Variants in IL1RN observed in about 807,000 individuals in gnomAD.
IL1RN encodes interleukin-1 receptor antagonist protein.
A neutral mutation model predicts 13.7 loss-of-function variants in IL1RN; 10 were observed. That is an observed-to-expected ratio of 0.73 (90% CI 0.45 to 1.24). The LOEUF (loss-of-function observed/expected upper bound fraction) is 1.24, where lower values mean the gene tolerates loss of function less well. Ranked by LOEUF, IL1RN falls within the 50% of genes most tolerant of loss-of-function variation. The probability of loss-of-function intolerance (pLI) is 0.00; values close to 1 mark genes in which losing one functional copy is unlikely to be tolerated. For missense variants in IL1RN, 213 were observed against 222.1 expected (o/e 0.96, Z 0.26); for synonymous variants, 102 against 82.7 (o/e 1.23, Z -1.27).
chr2:113,100,279 T>A, the IL1RN span, among the ~76,000 whole-genome samples: 270 of 144,944 alleles, frequency 1.9e-3, 3 homozygotes, highest in African/African-American at 6.2e-3. Flanking sequence ...TGAGCCGAGA[T>A]CGCACCACTG....
the IL1RN span, among the ~76,000 whole-genome samples, chr2:113,101,051 G>A: frequency 6.6e-6 from 1 of 152,208 alleles, no homozygotes; most frequent in Non-Finnish European, 1.5e-5. Flanking sequence ...ACAAAGAACA[G>A]TAAAGTTTTA....
chr2:113,111,997 T>G (rs1197897656), intron 1 of IL1RN, among the ~76,000 whole-genome samples: 1 of 152,236 alleles, frequency 6.6e-6, no homozygotes, highest in African/African-American at 2.4e-5. Flanking sequence ...CCCCAGACTT[T>G]GGGTTGTTGT....
upstream of IL1RN, chr2:113,117,751 G>C (rs1403746429): frequency 6.8e-6 from 4 of 587,754 alleles, no homozygotes; most frequent in Non-Finnish European, 1.2e-5. Flanking sequence ...GCTAGCCTGA[G>C]TCACCCTCCT....
At chr2:113,109,578 G>A (rs1686459290), upstream of IL1RN, among the ~76,000 whole-genome samples, 1 of 151,540 alleles carries the variant, frequency 6.6e-6, no homozygotes, top group Admixed American at 6.6e-5. Flanking sequence ...ATTAAACACA[G>A]AAAAGTTGAA....
intron 3 of IL1RN, among the ~76,000 whole-genome samples, chr2:113,132,156 A>C (rs1330414835): frequency 6.6e-6 from 1 of 152,204 alleles, no homozygotes; most frequent in Non-Finnish European, 1.5e-5. Flanking sequence ...TGTCCTAAGA[A>C]ACCTGGGCCA....
the IL1RN span, among the ~76,000 whole-genome samples, chr2:113,100,198 C>T: frequency 3.3e-5 from 5 of 151,092 alleles, no homozygotes; most frequent in African/African-American, 4.9e-5. Context: ...TGGTGGCGGG[C>T]GCCTGTAGTG....
rs1031075598 is a variant in IL1RN, at chr2:113,129,554, G to A, written c.117-22G>A. On this transcript the variant is annotated intron_variant, in intron 1 of 3. Transcript: ENST00000409930. ...GGGCACATGGTGGCTGTGCACTACAGCTGAGTCCTTTTCCTTTTCAGAATC... is the reference window on the plus strand; with the variant it reads ...GGGCACATGGTGGCTGTGCACTACAACTGAGTCCTTTTCCTTTTCAGAATC... The A allele has an allele frequency of 2.0e-6, 3 of 1,514,006 alleles. No individual in the cohort carries two copies. The South Asian group carries it at 3.4e-5, about 17-fold the overall frequency. The allele number at this position is 1,514,006 out of a possible 1,614,324, so 93.8% of individuals were successfully genotyped here. A position where few individuals can be genotyped will look rare whatever the true frequency, so the allele number is the denominator to read the frequency against.
At chr2:113,119,241 C>T (rs2592347) in intron 1 of IL1RN, among the ~76,000 whole-genome samples, 18 of 152,254 alleles carry the variant, frequency 1.2e-4, no homozygotes, top group African/African-American at 2.6e-4. Context: ...ACAAGCTAGG[C>T]GCCTTGCTGA....
At chr2:113,113,556 G>A (rs1686538115), upstream of IL1RN, among the ~76,000 whole-genome samples, 1 of 151,648 alleles carries the variant, frequency 6.6e-6, no homozygotes, top group South Asian at 2.1e-4. Flanking sequence ...AAATTGCTAA[G>A]AGGGTATATC....
At chr2:113,127,483 T>A, upstream of IL1RN, 7 of 1,440,304 alleles carry the variant, frequency 4.9e-6, no homozygotes, top group Non-Finnish European at 6.4e-6. Flanking sequence ...AGGGTTTCTC[T>A]TTTTGGAAAT....
At position 113,122,440 on chromosome 2, in the gene IL1RN, G is replaced by A. The variant is rs4251990; in HGVS notation, c.73+2312G>A. On this transcript the variant is annotated intron_variant, in intron 2 of 5. Transcript: ENST00000259206. ...GCCAGCAGGATCCAATGGTGTATATGTCTCCCCAGCTCCCCATTCAGTGAT... is the reference window on the plus strand; with the variant it reads ...GCCAGCAGGATCCAATGGTGTATATATCTCCCCAGCTCCCCATTCAGTGAT... 8.5e-3 allele frequency among the ~76,000 whole-genome samples: 1,301 copies of A among 152,284 alleles called. 10 individuals are homozygous for A. Among genetic ancestry groups the A allele is most frequent in the Non-Finnish European group, 0.014 (982 of 68,022 alleles).
At chr2:113,128,227 A>C (rs964551415) in intron 1 of IL1RN, among the ~76,000 whole-genome samples, 1 of 152,368 alleles carries the variant, frequency 6.6e-6, no homozygotes, top group Non-Finnish European at 1.5e-5. Flanking sequence ...TTGTTGTGAA[A>C]ATTAAATGCA....
chr2:113,120,393 A>G (rs1318575917), intron 2 of IL1RN, among the ~76,000 whole-genome samples: 1 of 152,092 alleles, frequency 6.6e-6, no homozygotes, highest in Non-Finnish European at 1.5e-5. Flanking sequence ...TCTGTTGTCT[A>G]ATAAAATGGA....
chr2:113,127,325 T>C, upstream of IL1RN: 1 of 334,512 alleles, frequency 3.0e-6, no homozygotes, highest in South Asian at 1.2e-4. Flanking sequence ...GTAGGGAGTT[T>C]GGTTTCCATT....
upstream of IL1RN, among the ~76,000 whole-genome samples, chr2:113,103,852 G>T (rs1686349283): frequency 6.6e-6 from 1 of 152,110 alleles, no homozygotes; most frequent in Non-Finnish European, 1.5e-5. Context: ...TCCATCAAAA[G>T]CTCAGACTTC....
chr2:113,118,181 C>T lies in IL1RN; in HGVS notation c.10+153C>T, dbSNP rs115408784. On this transcript the variant is annotated intron_variant, in intron 1 of 5. Transcript: ENST00000259206. Reference sequence around the variant, plus strand: ...TCCAGGCCTGTCTGGGGGATCTGGGCACGGGGAGGCATCCATGGGAGACCA... The same window carrying T: ...TCCAGGCCTGTCTGGGGGATCTGGGTACGGGGAGGCATCCATGGGAGACCA... 7.9e-3 allele frequency among the ~76,000 whole-genome samples: 1,203 copies of T among 152,278 alleles called. 12 individuals carry two copies. Among genetic ancestry groups the T allele is most frequent in the African/African-American group, 0.028 (1,157 of 41,562 alleles).
At chr2:113,118,144 A>G in intron 1 of IL1RN, 14 of 1,508,870 alleles carry the variant, frequency 9.3e-6, no homozygotes, top group Non-Finnish European at 1.2e-5. Flanking sequence ...GAAAATGTCA[A>G]GCGCATGGAG....
upstream of IL1RN, among the ~76,000 whole-genome samples, chr2:113,107,863 G>A (rs1686411634): frequency 6.6e-6 from 1 of 152,144 alleles, no homozygotes; most frequent in South Asian, 2.1e-4. Context: ...TTTTTTGGGT[G>A]TATTCATCAC....
chr2:113,114,004 T>C (rs1686546596), upstream of IL1RN, among the ~76,000 whole-genome samples: 2 of 152,162 alleles, frequency 1.3e-5, no homozygotes, highest in Admixed American at 6.5e-5. Context: ...TTGGCTCTTG[T>C]GGAATTATTT....
Sources: allele counts gnomAD v4.1 joint callset (sites outside exome capture counted in the v4.1 genomes callset), GRCh38; gene constraint gnomAD v4.1.1; transcripts MANE v1.5; gene names NCBI Gene and HGNC (gene_info 2026-07-23, HGNC 2026-07-21).